Variants in OSGIN2 observed in about 807,000 individuals in gnomAD.
OSGIN2 encodes the protein oxidative stress-induced growth inhibitor 2.
Under a neutral mutation model 53.8 loss-of-function variants are expected in OSGIN2, and 19 were observed. That is an observed-to-expected ratio of 0.35 (90% CI 0.25 to 0.52). The LOEUF (loss-of-function observed/expected upper bound fraction) is 0.52. Among genes scored for constraint, OSGIN2 ranks in the 20% least tolerant of loss-of-function variants. The pLI, the probability that OSGIN2 is intolerant of heterozygous loss-of-function variation, is 0.95. For synonymous variants in OSGIN2, 236 were observed against 236.0 expected, an observed-to-expected ratio of 1.00 and a Z score of 0.00; for missense variants, 520 against 662.7, an observed-to-expected ratio of 0.78 and a Z score of 2.36.
At chr8:89,907,779 T>C (rs1808871483) in intron 1 of OSGIN2, among the ~76,000 whole-genome samples, 1 of 152,234 alleles carries the variant, frequency 6.6e-6, no homozygotes, top group African/African-American at 2.4e-5. Flanking sequence ...AAATAGTTTT[T>C]TCTAGTTCTT....
chr8:89,925,652 T>G lies in OSGIN2; in HGVS notation c.*120T>G, dbSNP rs562216055. On this transcript the variant is annotated 3_prime_UTR_variant, in exon 6 of 6. Coordinates refer to ENST00000451899, the MANE Select transcript of OSGIN2 (RefSeq NM_001126111.3). ...TTAACTGAAGGAGAGCCTCAAACTA[T>G]AGTAACTTCATTTTTAAAAGTTACT... 3 of 681,178 alleles carry G rather than the reference T, an allele frequency of 4.4e-6. No individual in the cohort carries two copies. Among genetic ancestry groups the G allele is most frequent in the Middle Eastern group, 4.1e-4 (1 of 2,458 alleles). 42.2% of individuals were successfully genotyped at this position (681,178 alleles called of 1,614,324 possible). A position where few individuals can be genotyped will look rare whatever the true frequency, so the allele number is the denominator to read the frequency against.
chr8:89,907,489 A>G (rs775371285), intron 1 of OSGIN2, among the ~76,000 whole-genome samples: 2 of 152,182 alleles, frequency 1.3e-5, no homozygotes, highest in Non-Finnish European at 2.9e-5. Context: ...ATGGCTAACT[A>G]GTTATCCCAG....
chr8:89,910,146 G>A (rs569611579), intron 2 of OSGIN2, among the ~76,000 whole-genome samples: 3 of 152,104 alleles, frequency 2.0e-5, no homozygotes, highest in Admixed American at 6.5e-5. Flanking sequence ...GTTAGTAACC[G>A]GTGCTGTATT....
At chr8:89,909,502 G>A in intron 1 of OSGIN2, 65 bp from the exon 2 acceptor site, 1 of 821,614 alleles carries the variant, frequency 1.2e-6, no homozygotes, top group Non-Finnish European at 1.7e-6. Flanking sequence ...TCGGAGTAGA[G>A]ATTGATTTTT....
intron 1 of OSGIN2, among the ~76,000 whole-genome samples, chr8:89,908,256 G>A (rs1487448676): frequency 2.0e-5 from 3 of 152,102 alleles, no homozygotes; most frequent in Non-Finnish European, 2.9e-5. Flanking sequence ...TGTGAGGAGG[G>A]GTTTCCCTTA....
intron 1 of OSGIN2, among the ~76,000 whole-genome samples, chr8:89,906,230 T>C (rs773443874): frequency 3.2e-4 from 49 of 152,162 alleles, no homozygotes; most frequent in African/African-American, 9.7e-4. Flanking sequence ...CTGGACCACA[T>C]TGGAAGAATT....
intron 1 of OSGIN2, among the ~76,000 whole-genome samples, chr8:89,907,278 T>C (rs1393006714): frequency 8.6e-6 from 1 of 116,406 alleles, no homozygotes; most frequent in African/African-American, 5.3e-5. Context: ...ATACCATTTG[T>C]CAATTTTTTT....
chr8:89,919,251 C>G (rs1464468780), intron 4 of OSGIN2, among the ~76,000 whole-genome samples: 1 of 152,142 alleles, frequency 6.6e-6, no homozygotes, highest in African/African-American at 2.4e-5. Context: ...AGATGGTGTA[C>G]TTGTGGTTAA....
Position 89,909,696 on chromosome 8 carries a change from A to G in OSGIN2, c.174A>G (p.Ser58=), listed in dbSNP as rs1808928327. The stretch of plus-strand genomic sequence containing the variant: ...AAACTTCTTTACTGGAAGATTCGTC[A>G]GTGACTTTTCCTGTGGTAATAATAG... ...VEETSLLEDS[S]VTFPVVIIGN... Residue 58 remains serine, a synonymous_variant, in exon 2 of 6, where the codon TCA becomes TCG. Transcript: ENST00000451899. 3.1e-6 allele frequency: 5 copies of G among 1,609,046 alleles called. 1 individual carries two copies. The South Asian group carries it at 5.6e-5, about 18-fold the overall frequency.
At chr8:89,924,395 C>A in intron 5 of OSGIN2, 108 bp from the exon 6 acceptor site, 2 of 773,512 alleles carry the variant, frequency 2.6e-6, no homozygotes, top group Non-Finnish European at 4.2e-6. Context: ...ATAGCTAAGA[C>A]AGTCCAGCAG....
rs139083279 is a variant in OSGIN2, at chr8:89,908,910, C to T, written c.45-657C>T. On this transcript the variant is annotated intron_variant, in intron 1 of 5. Transcript: ENST00000451899. ...CCTGTAGCCCTGGCTACTCTGGAGG[C>T]TGAAGCAAGAGGATGACATGAGCCC... 5.6e-3 allele frequency among the ~76,000 whole-genome samples: 818 copies of T among 147,034 alleles called. 7 individuals carry two copies. The highest frequency in any genetic ancestry group is 0.019 in the African/African-American group (774 of 39,810).
At chr8:89,905,837 G>C (rs948226744) in intron 1 of OSGIN2, among the ~76,000 whole-genome samples, 1 of 152,136 alleles carries the variant, frequency 6.6e-6, no homozygotes, top group African/African-American at 2.4e-5. Context: ...TAAATTCAAC[G>C]GTGTTGCAGG....
intron 3 of OSGIN2, 94 bp from the exon 4 acceptor site, chr8:89,914,461 C>A: frequency 1.1e-6 from 1 of 950,456 alleles, no homozygotes; most frequent in Non-Finnish European, 1.6e-6. Context: ...GGGGGTACTG[C>A]TTTTTATCAT....
Position 89,919,422 on chromosome 8 carries a change from G to T in OSGIN2, c.529-1658G>T, listed in dbSNP as rs1265939152. 3.3e-5 allele frequency among the ~76,000 whole-genome samples: 5 copies of T among 152,294 alleles called. No homozygotes were observed. In the South Asian group the frequency reaches 6.2e-4, roughly 19 times the overall value. ...TGTTTTCTGTGGGGTCAGTCATATA[G>T]GCCAGCAGCTCCCATGTGACTCACC... On this transcript the variant is annotated intron_variant, in intron 4 of 5. Coordinates refer to ENST00000451899, the MANE Select transcript of OSGIN2 (RefSeq NM_001126111.3).
chr8:89,921,072 T>C lies in OSGIN2; in HGVS notation c.529-8T>C. 1 of 1,522,772 alleles carries C rather than the reference T, an allele frequency of 6.6e-7. No individual in the cohort carries two copies. The highest frequency in any genetic ancestry group is 9.0e-7 in the Non-Finnish European group (1 of 1,117,258). 94.3% of individuals were successfully genotyped at this position (1,522,772 alleles called of 1,614,324 possible). On this transcript the variant is annotated splice_polypyrimidine_tract_variant and splice_region_variant and intron_variant, in intron 4 of 5. Coordinates refer to ENST00000451899, the MANE Select transcript of OSGIN2 (RefSeq NM_001126111.3). Reference sequence around the variant, plus strand: ...TGACGGTACATTTTTTTTTTTAAACTCTAATAGAATATGGAAGGCTCCATG... The same window carrying C: ...TGACGGTACATTTTTTTTTTTAAACCCTAATAGAATATGGAAGGCTCCATG...
At chr8:89,913,991 G>A in intron 2 of OSGIN2, 86 bp from the exon 3 acceptor site, 1 of 1,090,108 alleles carries the variant, frequency 9.2e-7, no homozygotes, top group Non-Finnish European at 1.4e-6. Flanking sequence ...TCAGAGAAAA[G>A]AGCCATCTTC....
At chr8:89,918,386 G>A (rs1347380983) in intron 4 of OSGIN2, among the ~76,000 whole-genome samples, 1 of 151,848 alleles carries the variant, frequency 6.6e-6, no homozygotes, top group Admixed American at 6.6e-5. Context: ...CTGCAGCCTC[G>A]GACCCCTGAG....
rs373751284 is a variant in OSGIN2, at chr8:89,925,064, T to C, written c.1182T>C (p.Tyr394=). Residue 394 remains tyrosine (Y), a synonymous_variant, in exon 6 of 6, where the codon TAT becomes TAC. Coordinates refer to ENST00000451899, the MANE Select transcript of OSGIN2 (RefSeq NM_001126111.3). ...LIFKQLPKKL[Y]PEYHKVYHMM... is the part of the protein sequence containing the mutation. Reference sequence around the variant, plus strand: ...TCAAACAGCTTCCCAAAAAGCTGTATCCTGAATATCATAAAGTCTATCATA... The same window carrying C: ...TCAAACAGCTTCCCAAAAAGCTGTACCCTGAATATCATAAAGTCTATCATA... The C allele has an allele frequency of 6.2e-6, 10 of 1,613,702 alleles. No individual in the cohort carries two copies. The South Asian group carries it at 9.9e-5, about 16-fold the overall frequency.
chr8:89,909,525 T>C (rs984741194), intron 1 of OSGIN2, 42 bp from the exon 2 acceptor site: 1 of 1,118,738 alleles, frequency 8.9e-7, no homozygotes, highest in Non-Finnish European at 1.2e-6. Context: ...AAAGGCTATA[T>C]TGACTATATC....
Sources: allele counts gnomAD v4.1 joint callset (sites outside exome capture counted in the v4.1 genomes callset), GRCh38; gene constraint gnomAD v4.1.1; transcripts MANE v1.5; gene names NCBI Gene and HGNC (gene_info 2026-07-23, HGNC 2026-07-21).